Variants in ZFPM2 observed in about 807,000 individuals in gnomAD.
ZFPM2 encodes zinc finger protein ZFPM2.
Under a neutral mutation model 98.6 loss-of-function variants are expected in ZFPM2, and 20 were observed. The ratio of observed to expected loss-of-function variants is 0.20; its 90% CI spans 0.14 to 0.29. The LOEUF (loss-of-function observed/expected upper bound fraction) is 0.29. ZFPM2 is among the 10% of genes least tolerant of loss of function. The pLI, the probability that ZFPM2 is intolerant of heterozygous loss-of-function variation, is 1.00. For synonymous variants in ZFPM2, 518 were observed against 502.7 expected, an observed-to-expected ratio of 1.03 and a Z score of -0.41; for missense variants, 1,310 against 1,388.6, an observed-to-expected ratio of 0.94 and a Z score of 0.90.
intron 5 of ZFPM2, among the ~76,000 whole-genome samples, chr8:105,696,813 T>C (rs1563525819): frequency 6.6e-6 from 1 of 152,202 alleles, no homozygotes; most frequent in Non-Finnish European, 1.5e-5. Flanking sequence ...GAAGCAGGCT[T>C]GCATACTGTT....
chr8:105,667,132 A>G (rs1817503796), intron 5 of ZFPM2, among the ~76,000 whole-genome samples: 1 of 152,204 alleles, frequency 6.6e-6, no homozygotes, highest in African/African-American at 2.4e-5. Context: ...ATAAATGAAA[A>G]GAAGCCTATC....
At chr8:105,486,581 A>G (rs1397216866) in intron 3 of ZFPM2, among the ~76,000 whole-genome samples, 9 of 152,174 alleles carry the variant, frequency 5.9e-5, no homozygotes, top group Non-Finnish European at 1.5e-5. Context: ...TCACTTCGGG[A>G]TCCTTTGCTA....
intron 2 of ZFPM2, among the ~76,000 whole-genome samples, chr8:105,441,452 G>A (rs200380427): frequency 0.027 from 1,057 of 38,844 alleles, 17 homozygotes; most frequent in East Asian, 0.038. Flanking sequence ...GAGAGAGAGA[G>A]AGAAAGAAAG....
intron 1 of ZFPM2, among the ~76,000 whole-genome samples, chr8:105,416,298 T>C (rs1586356391): frequency 6.6e-6 from 1 of 151,686 alleles, no homozygotes; most frequent in South Asian, 2.1e-4. Flanking sequence ...TAAATTGATA[T>C]CATACTATTG....
chr8:105,538,872 A>G (rs904180901), intron 3 of ZFPM2, among the ~76,000 whole-genome samples: 2 of 152,046 alleles, frequency 1.3e-5, no homozygotes, highest in African/African-American at 4.8e-5. Flanking sequence ...TAAATTAGCC[A>G]GGTATGCTAG....
At chr8:105,326,083 G>A (rs1336272822) in intron 1 of ZFPM2, among the ~76,000 whole-genome samples, 1 of 151,594 alleles carries the variant, frequency 6.6e-6, no homozygotes, top group Admixed American at 6.6e-5. Flanking sequence ...TTGCTGTGTA[G>A]TTTCAAGTCC....
chr8:105,465,061 T>C (rs533691713), intron 3 of ZFPM2, among the ~76,000 whole-genome samples: 45 of 152,158 alleles, frequency 3.0e-4, no homozygotes, highest in African/African-American at 9.6e-4. Context: ...TTATTATTCT[T>C]GATTTTGCCC....
At chr8:105,483,579 G>A (rs1432370028) in intron 3 of ZFPM2, among the ~76,000 whole-genome samples, 4 of 148,340 alleles carry the variant, frequency 2.7e-5, no homozygotes, top group Non-Finnish European at 3.0e-5. Flanking sequence ...GACAAAGTGG[G>A]AGTCCATCTC....
intron 4 of ZFPM2, among the ~76,000 whole-genome samples, chr8:105,605,774 A>T (rs1816185640): frequency 6.6e-6 from 1 of 152,076 alleles, no homozygotes; most frequent in Non-Finnish European, 1.5e-5. Flanking sequence ...ATCTAGCTGT[A>T]TGCAATGCTC....
intron 5 of ZFPM2, among the ~76,000 whole-genome samples, chr8:105,697,965 G>A (rs1189030122): frequency 6.6e-6 from 1 of 152,136 alleles, no homozygotes; most frequent in Non-Finnish European, 1.5e-5. Flanking sequence ...AGGAGAAGAA[G>A]GGTTAGCTGG....
rs185389009 is a variant in ZFPM2 at position 105,339,420 on chromosome 8, C to A, written c.40+20439C>A. On this transcript the variant is annotated intron_variant, in intron 1 of 7. Coordinates refer to ENST00000407775, the MANE Select transcript of ZFPM2 (RefSeq NM_012082.4). ...ACATTCCAATAGCAGCCAAAATGAACTGGAGCTGATAAAAATGAACTACAC... is the reference window on the plus strand; with the variant it reads ...ACATTCCAATAGCAGCCAAAATGAAATGGAGCTGATAAAAATGAACTACAC... 2.6e-5 allele frequency among the ~76,000 whole-genome samples: 4 copies of A among 151,920 alleles called. No homozygotes were observed. In the East Asian group the frequency reaches 7.8e-4, roughly 29 times the overall value.
Position 105,638,000 on chromosome 8 carries a change from T to A in ZFPM2, c.532+3643T>A, listed in dbSNP as rs575592489. On this transcript the variant is annotated intron_variant, in intron 5 of 7. Coordinates refer to ENST00000407775, the MANE Select transcript of ZFPM2 (RefSeq NM_012082.4). ...TGGGGTAGATGGGTTCATCTGCTCA[T>A]ATAACTGAGAGTCCAGGGATATTCT... 9.2e-5 allele frequency among the ~76,000 whole-genome samples: 14 copies of A among 152,108 alleles called. No homozygotes were observed. The East Asian group carries it at 2.5e-3, about 27-fold the overall frequency.
At chr8:105,346,074 G>A (rs1812519890) in intron 1 of ZFPM2, among the ~76,000 whole-genome samples, 1 of 152,088 alleles carries the variant, frequency 6.6e-6, no homozygotes, top group Admixed American at 6.6e-5. Flanking sequence ...CATAGACATT[G>A]AAGTAGATAA....
At chr8:105,331,749 A>G (rs1361865734) in intron 1 of ZFPM2, among the ~76,000 whole-genome samples, 4 of 151,794 alleles carry the variant, frequency 2.6e-5, no homozygotes, top group African/African-American at 4.8e-5. Flanking sequence ...TTACAGCCCT[A>G]TCAGAACTTT....
intron 3 of ZFPM2, among the ~76,000 whole-genome samples, chr8:105,539,522 A>G (rs1179513658): frequency 6.6e-6 from 1 of 152,174 alleles, no homozygotes; most frequent in East Asian, 1.9e-4. Context: ...CTTGGAAAAA[A>G]GTAATGCTTT....
chr8:105,347,631 A>G (rs78059918), intron 1 of ZFPM2, among the ~76,000 whole-genome samples: 1 of 152,172 alleles, frequency 6.6e-6, no homozygotes, highest in African/African-American at 2.4e-5. Flanking sequence ...CCAAGGTGGC[A>G]TGTGACATAC....
At chr8:105,565,438 G>T (rs1275853538) in intron 4 of ZFPM2, among the ~76,000 whole-genome samples, 1 of 152,136 alleles carries the variant, frequency 6.6e-6, no homozygotes, top group African/African-American at 2.4e-5. Context: ...ACTGGTCAAA[G>T]TGCTTTACAT....
intron 3 of ZFPM2, among the ~76,000 whole-genome samples, chr8:105,543,975 A>G (rs550925865): frequency 2.6e-5 from 4 of 152,166 alleles, no homozygotes; most frequent in Non-Finnish European, 5.9e-5. Context: ...GGGAAGGTAA[A>G]TGGAAGACAT....
At chr8:105,357,624 G>C (rs985597676) in intron 1 of ZFPM2, among the ~76,000 whole-genome samples, 3 of 151,842 alleles carry the variant, frequency 2.0e-5, no homozygotes, top group Non-Finnish European at 2.9e-5. Flanking sequence ...GTTGGTTTAT[G>C]TTTCTTCTAG....
Sources: allele counts gnomAD v4.1 joint callset (sites outside exome capture counted in the v4.1 genomes callset), GRCh38; gene constraint gnomAD v4.1.1; transcripts MANE v1.5; gene names NCBI Gene and HGNC (gene_info 2026-07-23, HGNC 2026-07-21).